The following METTL24 variants were observed in gnomAD, a reference collection of about 807,000 sequenced individuals.
METTL24 encodes the protein methyltransferase like 24, also known as probable methyltransferase-like protein 24.
Under a neutral mutation model 32.7 loss-of-function variants are expected in METTL24, and 29 were observed. The observed-to-expected ratio is 0.89, with a 90% CI of 0.66 to 1.21. The LOEUF is 1.21. Ranked by LOEUF, METTL24 falls within the 50% of genes most tolerant of loss-of-function variation. The probability of loss-of-function intolerance (pLI) is 0.00; values close to 1 mark genes in which losing one functional copy is unlikely to be tolerated. For synonymous variants in METTL24, 163 were observed against 179.5 expected, an observed-to-expected ratio of 0.91 and a Z score of 0.73; for missense variants, 439 against 468.1, an observed-to-expected ratio of 0.94 and a Z score of 0.57.
At chr6:110,342,878 G>A (rs1003530582) in intron 1 of METTL24, among the ~76,000 whole-genome samples, 3 of 152,208 alleles carry the variant, frequency 2.0e-5, no homozygotes, top group Non-Finnish European at 4.4e-5. Context: ...GCATGTATCA[G>A]TGCTTCATCC....
At chr6:110,251,881 C>T (rs766582166) in intron 4 of METTL24, among the ~76,000 whole-genome samples, 1 of 152,192 alleles carries the variant, frequency 6.6e-6, no homozygotes. Context: ...CAGTAGCTCA[C>T]GCCTGTAATC....
intron 4 of METTL24, among the ~76,000 whole-genome samples, chr6:110,283,452 TC>T (rs1771171479): frequency 6.6e-6 from 1 of 151,988 alleles, no homozygotes; most frequent in Non-Finnish European, 1.5e-5. Flanking sequence ...CTCTCACCGC[TC>T]CCCAGAGCCA....
rs569598359 is a variant in METTL24, at chr6:110,305,026, AT to A, written c.558-5877del. Among the ~76,000 whole-genome samples the A allele has an allele frequency of 1.7e-3, 266 of 152,302 alleles. 2 individuals are homozygous for A. The highest frequency in any genetic ancestry group is 5.3e-3 in the African/African-American group (221 of 41,558). ...ATACTCAACATTTTTAAAGAAAATA[AT>A]TTTAACCCAGAATTTCATGTCCAGC... On this transcript the variant is annotated intron_variant, in intron 3 of 4. Coordinates refer to ENST00000338882, the MANE Select transcript of METTL24 (RefSeq NM_001123364.3).
intron 4 of METTL24, among the ~76,000 whole-genome samples, chr6:110,286,720 G>A (rs1771228410): frequency 6.6e-6 from 1 of 152,222 alleles, no homozygotes; most frequent in Admixed American, 6.5e-5. Flanking sequence ...GTGTGTCTGT[G>A]AGGGTGCTGC....
chr6:110,332,135 G>T (rs1057106360), intron 1 of METTL24, among the ~76,000 whole-genome samples: 2 of 152,188 alleles, frequency 1.3e-5, no homozygotes, highest in Non-Finnish European at 2.9e-5. Flanking sequence ...AAGAAAAAAT[G>T]CATTATAATT....
intron 4 of METTL24, among the ~76,000 whole-genome samples, chr6:110,256,283 A>T (rs1162378345): frequency 1.3e-5 from 2 of 152,166 alleles, no homozygotes; most frequent in African/African-American, 4.8e-5. Flanking sequence ...ATCACCTCTA[A>T]TTAAACAATC....
intron 4 of METTL24, among the ~76,000 whole-genome samples, chr6:110,252,012 T>A (rs1243431505): frequency 6.6e-6 from 1 of 151,988 alleles, no homozygotes; most frequent in Non-Finnish European, 1.5e-5. Flanking sequence ...GGTGAGGTGG[T>A]ACACTCCTGT....
At chr6:110,354,790 G>C (rs928768499) in intron 1 of METTL24, among the ~76,000 whole-genome samples, 10 of 151,816 alleles carry the variant, frequency 6.6e-5, no homozygotes, top group African/African-American at 2.4e-4. Context: ...TGAAATAATG[G>C]GAGAATAAAA....
At chr6:110,287,850 AAC>A (rs1771251595) in intron 4 of METTL24, among the ~76,000 whole-genome samples, 1 of 152,178 alleles carries the variant, frequency 6.6e-6, no homozygotes, top group African/African-American at 2.4e-5. Flanking sequence ...CTCACCTAGG[AAC>A]ACAGAACTCA....
At chr6:110,274,312 T>G (rs566068616) in intron 4 of METTL24, among the ~76,000 whole-genome samples, 1 of 152,132 alleles carries the variant, frequency 6.6e-6, no homozygotes, top group Non-Finnish European at 1.5e-5. Context: ...AGGCTGGTCT[T>G]GAACTCCTGA....
At chr6:110,345,368 C>T (rs948618993) in intron 1 of METTL24, among the ~76,000 whole-genome samples, 26 of 152,210 alleles carry the variant, frequency 1.7e-4, no homozygotes, top group Non-Finnish European at 2.8e-4. Context: ...AGCAGTGTGG[C>T]GATTCCTCAA....
chr6:110,333,862 T>C (rs2038289), intron 1 of METTL24, among the ~76,000 whole-genome samples: 76,217 of 152,106 alleles, frequency 0.5, 21,259 homozygotes, highest in East Asian at 0.97. Context: ...CTTAAGTGCA[T>C]TTACATTACT....
intron 4 of METTL24, among the ~76,000 whole-genome samples, chr6:110,277,286 A>T (rs1297276588): frequency 6.6e-6 from 1 of 152,158 alleles, no homozygotes; most frequent in Non-Finnish European, 1.5e-5. Context: ...ACATGCTGAG[A>T]TCAAAGGAGG....
At chr6:110,316,981 TAAG>T in intron 2 of METTL24, among the ~76,000 whole-genome samples, 1 of 152,328 alleles carries the variant, frequency 6.6e-6, no homozygotes, top group East Asian at 1.9e-4. Flanking sequence ...AATTTTAATC[TAAG>T]AAGAGCATAT....
At chr6:110,310,405 C>T (rs533049801) in intron 3 of METTL24, among the ~76,000 whole-genome samples, 100 of 152,158 alleles carry the variant, frequency 6.6e-4, no homozygotes, top group Admixed American at 1.8e-3. Flanking sequence ...ACTTTATCTA[C>T]GACTCTCATC....
chr6:110,322,965 T>C, intron 1 of METTL24, 93 bp from the exon 2 acceptor site: 1 of 952,456 alleles, frequency 1.0e-6, no homozygotes. Context: ...AAGGCTGCTT[T>C]GGCTGTCAGC....
At chr6:110,259,376 A>G (rs1778446408) in intron 4 of METTL24, among the ~76,000 whole-genome samples, 1 of 152,202 alleles carries the variant, frequency 6.6e-6, no homozygotes, top group African/African-American at 2.4e-5. Context: ...TTGCTTGCAC[A>G]GCAGTCTGAG....
chr6:110,313,824 C>A (rs1415276851), intron 3 of METTL24, among the ~76,000 whole-genome samples: 1 of 152,164 alleles, frequency 6.6e-6, no homozygotes, highest in Non-Finnish European at 1.5e-5. Flanking sequence ...GCATAACCAG[C>A]TTCCCTCCCT....
chr6:110,330,166 T>C (rs1772088317), intron 1 of METTL24, among the ~76,000 whole-genome samples: 1 of 152,084 alleles, frequency 6.6e-6, no homozygotes, highest in Admixed American at 6.5e-5. Context: ...CTTTTCCTCC[T>C]TTTTTTTCCT....
Sources: allele counts gnomAD v4.1 joint callset (sites outside exome capture counted in the v4.1 genomes callset), GRCh38; gene constraint gnomAD v4.1.1; transcripts MANE v1.5; gene names NCBI Gene and HGNC (gene_info 2026-07-23, HGNC 2026-07-21).